The following CDH18 variants were observed in gnomAD, a reference collection of about 807,000 sequenced individuals.
The protein encoded by CDH18 is cadherin-18.
Under a neutral mutation model 67.9 loss-of-function variants are expected in CDH18, and 31 were observed. The observed-to-expected ratio is 0.46, with a 90% CI of 0.34 to 0.62. CDH18 has a LOEUF of 0.62. Ranked by LOEUF, CDH18 falls within the 20% of genes least tolerant of loss-of-function variation. The pLI is 0.01. For synonymous variants in CDH18, 362 were observed against 347.2 expected, an observed-to-expected ratio of 1.04 and a Z score of -0.48; for missense variants, 890 against 975.5, an observed-to-expected ratio of 0.91 and a Z score of 1.17.
chr5:19,540,423 C>T (rs1325583031), intron 9 of CDH18, among the ~76,000 whole-genome samples: 1 of 151,994 alleles, frequency 6.6e-6, no homozygotes, highest in African/African-American at 2.4e-5. Context: ...GGATGTTGGC[C>T]CTCTTCTCAC....
intron 1 of CDH18, among the ~76,000 whole-genome samples, chr5:20,445,605 G>C (rs1405957001): frequency 6.6e-6 from 1 of 152,146 alleles, no homozygotes; most frequent in Non-Finnish European, 1.5e-5. Context: ...AAATTTCTAA[G>C]ACGACTTGTT....
At chr5:20,115,862 C>T (rs1468094182) in intron 2 of CDH18, among the ~76,000 whole-genome samples, 2 of 152,030 alleles carry the variant, frequency 1.3e-5, no homozygotes. Flanking sequence ...CATGATTATT[C>T]TTTTGTAGAT....
intron 3 of CDH18, among the ~76,000 whole-genome samples, chr5:19,749,251 T>C (rs1055273827): frequency 5.9e-5 from 9 of 152,052 alleles, no homozygotes; most frequent in Admixed American, 3.9e-4. Context: ...CAAATGTTTC[T>C]AAAACCTTTT....
chr5:20,426,991 G>T (rs1221896409), intron 1 of CDH18, among the ~76,000 whole-genome samples: 1 of 150,926 alleles, frequency 6.6e-6, no homozygotes, highest in Non-Finnish European at 1.5e-5. Flanking sequence ...AAATTAAATT[G>T]GATTGTGATT....
At chr5:20,415,802 A>T (rs1013902715) in intron 1 of CDH18, among the ~76,000 whole-genome samples, 1 of 151,898 alleles carries the variant, frequency 6.6e-6, no homozygotes, top group Admixed American at 6.6e-5. Context: ...ATAAATATAT[A>T]AAAAAATAAA....
intron 1 of CDH18, among the ~76,000 whole-genome samples, chr5:20,485,182 C>T (rs540393655): frequency 6.6e-6 from 1 of 152,198 alleles, no homozygotes; most frequent in East Asian, 1.9e-4. Flanking sequence ...TTATTTCAAA[C>T]CACAGGGACT....
At chr5:19,738,253 G>C (rs1311284912) in intron 4 of CDH18, among the ~76,000 whole-genome samples, 2 of 152,102 alleles carry the variant, frequency 1.3e-5, no homozygotes, top group Non-Finnish European at 2.9e-5. Context: ...AAGGTGGAAG[G>C]TGCTAAAATA....
At chr5:20,358,943 T>G (rs1257554022) in intron 1 of CDH18, among the ~76,000 whole-genome samples, 2 of 150,402 alleles carry the variant, frequency 1.3e-5, no homozygotes, top group African/African-American at 4.9e-5. Flanking sequence ...TTTTTTTTTT[T>G]TTTTTTGAGA....
At chr5:20,049,015 A>C (rs1741161365) in intron 2 of CDH18, among the ~76,000 whole-genome samples, 1 of 151,788 alleles carries the variant, frequency 6.6e-6, no homozygotes, top group Admixed American at 6.6e-5. Context: ...TTTCTGACAA[A>C]GTATGAAGCA....
chr5:20,390,944 T>C (rs1580889503), intron 1 of CDH18, among the ~76,000 whole-genome samples: 2 of 151,710 alleles, frequency 1.3e-5, no homozygotes, highest in South Asian at 2.1e-4. Flanking sequence ...TGAGAACACA[T>C]GGACCCAGGA....
intron 1 of CDH18, among the ~76,000 whole-genome samples, chr5:20,457,359 C>T (rs890869986): frequency 3.9e-5 from 6 of 152,084 alleles, no homozygotes; most frequent in Non-Finnish European, 8.8e-5. Context: ...AAAATGATAC[C>T]TAATATTTAT....
chr5:20,365,497 C>T (rs2150077063), intron 1 of CDH18, among the ~76,000 whole-genome samples: 1 of 152,260 alleles, frequency 6.6e-6, no homozygotes, highest in East Asian at 1.9e-4. Context: ...CTGTTTTCTT[C>T]CCCTTACTCT....
chr5:20,573,806 AATAT>A lies in CDH18; in HGVS notation c.-580+1652_-580+1655del, dbSNP rs60858438. ...TCCCCCAAATATAATACTTAAAAGA[AATAT>A]ATATATATATATATATATATATATA... On this transcript the variant is annotated intron_variant, in intron 1 of 14. Transcript: ENST00000507958. 6.2e-3 allele frequency among the ~76,000 whole-genome samples: 736 copies of A among 119,028 alleles called. 12 individuals are homozygous for A. Among genetic ancestry groups the A allele is most frequent in the African/African-American group, 0.016 (562 of 35,584 alleles). 78.1% of individuals were successfully genotyped at this position (119,028 alleles called of 152,430 possible).
intron 1 of CDH18, among the ~76,000 whole-genome samples, chr5:20,372,148 G>A (rs1743055745): frequency 6.6e-6 from 1 of 152,148 alleles, no homozygotes; most frequent in African/African-American, 2.4e-5. Context: ...GCATTAAGCT[G>A]CTGGACCTCC....
intron 2 of CDH18, among the ~76,000 whole-genome samples, chr5:19,971,510 T>A (rs756097002): frequency 2.0e-5 from 3 of 152,054 alleles, no homozygotes; most frequent in Non-Finnish European, 2.9e-5. Context: ...AGAAAGATCA[T>A]TTGCGAAACT....
intron 2 of CDH18, among the ~76,000 whole-genome samples, chr5:20,231,259 A>G (rs959442330): frequency 1.3e-5 from 2 of 152,188 alleles, no homozygotes; most frequent in African/African-American, 4.8e-5. Flanking sequence ...AATCATCAAA[A>G]TTCTACAAAA....
intron 5 of CDH18, among the ~76,000 whole-genome samples, chr5:19,685,279 T>A (rs1187263916): frequency 6.6e-6 from 1 of 152,182 alleles, no homozygotes; most frequent in East Asian, 1.9e-4. Flanking sequence ...TGTAGCACAG[T>A]CCAGTGCTGG....
At chr5:19,662,548 C>T (rs1316960470) in intron 5 of CDH18, among the ~76,000 whole-genome samples, 1 of 151,960 alleles carries the variant, frequency 6.6e-6, no homozygotes, top group Admixed American at 6.6e-5. Flanking sequence ...GTTCCAGTAG[C>T]TTGGGATGTC....
At chr5:19,637,682 T>C (rs1032632568) in intron 5 of CDH18, among the ~76,000 whole-genome samples, 14 of 152,178 alleles carry the variant, frequency 9.2e-5, no homozygotes, top group African/African-American at 3.4e-4. Context: ...CACCAGTCAA[T>C]GTCTGCTTAT....
Sources: allele counts gnomAD v4.1 joint callset (sites outside exome capture counted in the v4.1 genomes callset), GRCh38; gene constraint gnomAD v4.1.1; transcripts MANE v1.5; gene names NCBI Gene and HGNC (gene_info 2026-07-23, HGNC 2026-07-21).